Variants in HIBADH observed in about 807,000 individuals in gnomAD.
HIBADH encodes the protein 3-hydroxyisobutyrate dehydrogenase.
In HIBADH, 25 loss-of-function variants were observed where a neutral mutation model predicts 36.1. That is an observed-to-expected ratio of 0.69 (90% CI 0.50 to 0.97). The LOEUF (loss-of-function observed/expected upper bound fraction) is 0.97. HIBADH is among the 50% of genes least tolerant of loss of function. HIBADH has a pLI of 0.00. For synonymous variants in HIBADH, 160 were observed against 149.5 expected (o/e 1.07, Z -0.51); for missense variants, 421 against 418.0 (o/e 1.01, Z -0.06).
rs367772315 is a variant in HIBADH at position 27,629,420 on chromosome 7, T to C, written c.435A>G (p.Lys145=). The part of the protein sequence containing the change: ...IDPAVSKELA[K]EVEKMGAVFM... ...AAACTGCTCCCATTTTCTCAACTTC[T>C]TTGGCCAATTCTTTTGAAACTGCAG... Residue 145 remains lysine, a synonymous_variant, in exon 4 of 8, where the codon AAA becomes AAG. Transcript: ENST00000265395. 2.4e-5 allele frequency: 38 copies of C among 1,612,442 alleles called. No individual in the cohort carries two copies. In the African/African-American group the frequency reaches 3.9e-4, roughly 16 times the overall value.
intron 7 of HIBADH, among the ~76,000 whole-genome samples, chr7:27,527,506 A>C (rs978989232): frequency 1.3e-5 from 2 of 152,184 alleles, no homozygotes; most frequent in Non-Finnish European, 2.9e-5. Flanking sequence ...AGGGAGAGTA[A>C]GCCAAGTATG....
At chr7:27,621,077 T>C (rs1167003826) in intron 4 of HIBADH, among the ~76,000 whole-genome samples, 1 of 149,450 alleles carries the variant, frequency 6.7e-6, no homozygotes, top group Admixed American at 6.7e-5. Context: ...GCAAGAATCG[T>C]TATACTTACA....
chr7:27,545,655 A>G (rs952446137), intron 4 of HIBADH, among the ~76,000 whole-genome samples: 3 of 152,222 alleles, frequency 2.0e-5, no homozygotes, highest in African/African-American at 7.2e-5. Context: ...AGAAAAACAC[A>G]CAATGCATAC....
chr7:27,621,132 T>C (rs35733141), intron 4 of HIBADH, among the ~76,000 whole-genome samples: 21,474 of 152,036 alleles, frequency 0.14, 1,775 homozygotes, highest in Middle Eastern at 0.19. Flanking sequence ...CAATCATTAA[T>C]TGTAGGGCAT....
intron 4 of HIBADH, among the ~76,000 whole-genome samples, chr7:27,605,738 T>C (rs914206093): frequency 5.9e-5 from 9 of 152,076 alleles, no homozygotes; most frequent in Admixed American, 3.3e-4. Context: ...TTAGAAATCT[T>C]TTCAATTCTT....
chr7:27,656,942 T>C (rs990421504), intron 1 of HIBADH, among the ~76,000 whole-genome samples: 3 of 152,172 alleles, frequency 2.0e-5, no homozygotes, highest in Non-Finnish European at 2.9e-5. Flanking sequence ...ACATTGCAGG[T>C]TGACTCTCCA....
chr7:27,605,177 G>GA (rs887889088), intron 4 of HIBADH, among the ~76,000 whole-genome samples: 14 of 151,892 alleles, frequency 9.2e-5, no homozygotes, highest in African/African-American at 2.2e-4. Flanking sequence ...GTATTTTAAT[G>GA]AAAAAAATCA....
chr7:27,566,515 AT>A (rs1259155266), intron 4 of HIBADH, among the ~76,000 whole-genome samples: 2 of 151,954 alleles, frequency 1.3e-5, no homozygotes, highest in African/African-American at 4.8e-5. Context: ...CTTGGGTTTT[AT>A]TGATTTTCTT....
chr7:27,608,241 G>C (rs1273772415), intron 4 of HIBADH, among the ~76,000 whole-genome samples: 2 of 152,026 alleles, frequency 1.3e-5, no homozygotes, highest in African/African-American at 4.8e-5. Flanking sequence ...TAAGCTAAAT[G>C]CAAAAAAACA....
At chr7:27,615,032 TA>T (rs377470917) in intron 4 of HIBADH, among the ~76,000 whole-genome samples, 5 of 152,204 alleles carry the variant, frequency 3.3e-5, no homozygotes, top group African/African-American at 1.2e-4. Flanking sequence ...CCTCTAATCT[TA>T]ACAGAAATGT....
At chr7:27,655,732 C>T (rs1009310770) in intron 1 of HIBADH, among the ~76,000 whole-genome samples, 3 of 117,716 alleles carry the variant, frequency 2.5e-5, no homozygotes, top group South Asian at 3.1e-4. Context: ...AAAATGACAA[C>T]AGAAAATATG....
chr7:27,601,126 A>T (rs1481312273), intron 4 of HIBADH, among the ~76,000 whole-genome samples: 1 of 152,136 alleles, frequency 6.6e-6, no homozygotes, highest in Non-Finnish European at 1.5e-5. Context: ...TTAAATCATG[A>T]TGAGTATGGG....
rs1035679948 is a variant in HIBADH, at chr7:27,539,009, A to G, written c.619-592T>C. Reference sequence around the variant, plus strand: ...TGGAGATCAGTAAGAAAATTGTTTAATATGCCTGTGTTTTAAGGAATGGTG... The same window carrying G: ...TGGAGATCAGTAAGAAAATTGTTTAGTATGCCTGTGTTTTAAGGAATGGTG... On this transcript the variant is annotated intron_variant, in intron 5 of 7. Coordinates refer to ENST00000265395, the MANE Select transcript of HIBADH (RefSeq NM_152740.4). Among the ~76,000 whole-genome samples, 6 of 152,178 alleles carry G rather than the reference A, an allele frequency of 3.9e-5. No individual in the cohort carries two copies. The South Asian group carries it at 6.2e-4, about 16-fold the overall frequency.
chr7:27,530,909 C>T (rs1783986969), intron 7 of HIBADH, among the ~76,000 whole-genome samples: 1 of 151,930 alleles, frequency 6.6e-6, no homozygotes, highest in Admixed American at 6.6e-5. Context: ...ATTTTACCGG[C>T]TCATATAAAT....
intron 2 of HIBADH, among the ~76,000 whole-genome samples, chr7:27,638,308 C>CAAAAAAAAAAAAAAAAAAAAA (rs368715218): frequency 1.8e-4 from 10 of 55,468 alleles, no homozygotes; most frequent in African/African-American, 5.2e-4. Context: ...TTGGCAAAGT[C>CAAAAAAAAAAAAAAAAAAAAA]AAAAAAAAAA....
intron 5 of HIBADH, among the ~76,000 whole-genome samples, chr7:27,542,707 C>T (rs1467640739): frequency 6.6e-6 from 1 of 152,058 alleles, no homozygotes; most frequent in Non-Finnish European, 1.5e-5. Context: ...CTGTCTCAGC[C>T]TCCCAAAGTG....
intron 6 of HIBADH, among the ~76,000 whole-genome samples, chr7:27,534,383 T>A (rs995900765): frequency 1.3e-5 from 2 of 152,150 alleles, no homozygotes; most frequent in African/African-American, 4.8e-5. Context: ...CACTTATCCA[T>A]CAATGTTTAC....
chr7:27,620,894 A>C (rs1785529996), intron 4 of HIBADH, among the ~76,000 whole-genome samples: 1 of 152,172 alleles, frequency 6.6e-6, no homozygotes, highest in Non-Finnish European at 1.5e-5. Flanking sequence ...TAACCTTGAT[A>C]GTAACTAAAC....
intron 2 of HIBADH, among the ~76,000 whole-genome samples, chr7:27,633,365 TAGAA>T (rs1429686861): frequency 2.6e-5 from 4 of 152,102 alleles, no homozygotes; most frequent in Admixed American, 2.0e-4. Flanking sequence ...TCTCCTTTAA[TAGAA>T]AGAATCAGCT....
Sources: allele counts gnomAD v4.1 joint callset (sites outside exome capture counted in the v4.1 genomes callset), GRCh38; gene constraint gnomAD v4.1.1; transcripts MANE v1.5; gene names NCBI Gene and HGNC (gene_info 2026-07-23, HGNC 2026-07-21).